The following MGST1 variants were observed in gnomAD, a reference collection of about 807,000 sequenced individuals.
The protein encoded by MGST1 is glutathione S-transferase 12.
A neutral mutation model predicts 8.9 loss-of-function variants in MGST1; 5 were observed. The observed-to-expected ratio is 0.56, with a 90% CI of 0.29 to 1.19. The LOEUF (loss-of-function observed/expected upper bound fraction) is 1.19. Ranked by LOEUF, MGST1 falls within the 50% of genes most tolerant of loss-of-function variation. The probability of loss-of-function intolerance (pLI) is 0.08; values close to 1 mark genes in which losing one functional copy is unlikely to be tolerated. For missense variants in MGST1, 182 were observed against 187.4 expected, an observed-to-expected ratio of 0.97 and a Z score of 0.17; for synonymous variants, 54 against 67.8, an observed-to-expected ratio of 0.80 and a Z score of 1.00.
At position 16,479,215 on chromosome 12, in the gene MGST1, G is replaced by A. The variant is rs1368057901; in HGVS notation, n.482+95611G>A. On this transcript the variant is annotated intron_variant and non_coding_transcript_variant, in intron 4 of 4. Transcript: ENST00000538857. ...CATTGTGTGTATATATATATATAAC[G>A]TATTTTTAATAGACTGTATCTTTTT... 4.3e-5 allele frequency among the ~76,000 whole-genome samples: 6 copies of A among 139,622 alleles called. No homozygotes were observed. In the East Asian group the frequency reaches 1.1e-3, roughly 25 times the overall value. The allele number at this position is 139,622 out of a possible 152,430, so 91.6% of individuals were successfully genotyped here.
intron 1 of MGST1, among the ~76,000 whole-genome samples, chr12:16,393,989 A>G (rs1013515125): frequency 3.3e-5 from 5 of 152,244 alleles, no homozygotes; most frequent in Non-Finnish European, 7.3e-5. Flanking sequence ...ACATTCAGGT[A>G]CATGTGTCCT....
chr12:16,349,267 T>C (rs1201198991), intron 1 of MGST1, among the ~76,000 whole-genome samples: 1 of 152,060 alleles, frequency 6.6e-6, no homozygotes, highest in African/African-American at 2.4e-5. Flanking sequence ...GGCCACCTCA[T>C]CCTGAGAAGA....
chr12:16,576,324 C>T lies in MGST1; in HGVS notation n.483-13204C>T, dbSNP rs1222176536. On this transcript the variant is annotated intron_variant and non_coding_transcript_variant, in intron 4 of 4. Coordinates refer to the MGST1 transcript ENST00000538857. The surrounding 1 kb of genome is among the most constrained non-coding windows in gnomAD (Gnocchi z 4.1). ...TGTCTTCTATCCCATCACTGAGCCTCAGCCCCAATGTGCTGTCTACTCCCT... is the reference window on the plus strand; with the variant it reads ...TGTCTTCTATCCCATCACTGAGCCTTAGCCCCAATGTGCTGTCTACTCCCT... Among the ~76,000 whole-genome samples, 1 of 152,200 alleles carries T rather than the reference C, an allele frequency of 6.6e-6. No individual in the cohort carries two copies. The highest frequency in any genetic ancestry group is 1.5e-5 in the Non-Finnish European group (1 of 68,028).
intron 1 of MGST1, chr12:16,399,531 G>T: frequency 1.3e-6 from 2 of 1,560,080 alleles, no homozygotes; most frequent in Admixed American, 1.7e-5. Context: ...TGCTTCTGAT[G>T]AATAATCTTC....
At chr12:16,549,456 TAATA>T (rs1198428314) in intron 4 of MGST1, 1 of 152,546 alleles carries the variant, frequency 6.6e-6, no homozygotes, top group African/African-American at 2.4e-5. Flanking sequence ...TGCATGTTCA[TAATA>T]AAGCTTTGTT....
chr12:16,577,293 TCTCCTA>T (rs1943023279), intron 4 of MGST1, among the ~76,000 whole-genome samples: 1 of 152,176 alleles, frequency 6.6e-6, no homozygotes, highest in East Asian at 1.9e-4. Flanking sequence ...TTTAGGATCA[TCTCCTA>T]AATTTCCTTT....
At chr12:16,505,708 C>T (rs182624142) in intron 4 of MGST1, among the ~76,000 whole-genome samples, 62 of 152,292 alleles carry the variant, frequency 4.1e-4, no homozygotes, top group African/African-American at 1.4e-3. Context: ...AATTCATCCT[C>T]ATACTGTCAA....
chr12:16,408,673 C>T (rs1940716415), intron 1 of MGST1, among the ~76,000 whole-genome samples: 1 of 152,050 alleles, frequency 6.6e-6, no homozygotes, highest in Non-Finnish European at 1.5e-5. Flanking sequence ...GTGTTTTCAT[C>T]ACTTCTGGAA....
chr12:16,436,612 T>C (rs951796473), intron 1 of MGST1, among the ~76,000 whole-genome samples: 2 of 151,992 alleles, frequency 1.3e-5, no homozygotes, highest in African/African-American at 4.8e-5. Flanking sequence ...AAATAAAAGA[T>C]AATGATAACA....
At chr12:16,591,195 C>G (rs1943486067), downstream of MGST1, among the ~76,000 whole-genome samples, 1 of 151,956 alleles carries the variant, frequency 6.6e-6, no homozygotes, top group Non-Finnish European at 1.5e-5. This position sits in a 1 kb window ranked among gnomAD's most constrained non-coding sequence, Gnocchi z 4.1. Context: ...CCTGCTCTCC[C>G]ACACCCCAGC....
intron 1 of MGST1, among the ~76,000 whole-genome samples, chr12:16,352,774 A>T (rs1395186975): frequency 6.6e-6 from 1 of 152,138 alleles, no homozygotes. Flanking sequence ...ATGTAAAGCT[A>T]ATTCTCCTTC....
intron 1 of MGST1, chr12:16,400,372 C>G: frequency 1.2e-6 from 1 of 823,316 alleles, no homozygotes; most frequent in Non-Finnish European, 2.2e-6. Flanking sequence ...GAAGCGGAAG[C>G]CATTGACACG....
downstream of MGST1, among the ~76,000 whole-genome samples, chr12:16,442,354 G>A (rs748210430): frequency 3.4e-4 from 52 of 151,638 alleles, 1 homozygote; most frequent in Non-Finnish European, 5.6e-4. This position sits in a 1 kb window ranked among gnomAD's most constrained non-coding sequence, Gnocchi z 4.5. Context: ...TTCATGAATC[G>A]TGCCTTTGGT....
chr12:16,498,689 A>G (rs1941485489), intron 4 of MGST1, among the ~76,000 whole-genome samples: 1 of 152,202 alleles, frequency 6.6e-6, no homozygotes, highest in Non-Finnish European at 1.5e-5. Context: ...ATGCTCTAAC[A>G]GGAGACCCGC....
At chr12:16,592,091 G>A (rs1943512087), downstream of MGST1, among the ~76,000 whole-genome samples, 1 of 151,970 alleles carries the variant, frequency 6.6e-6, no homozygotes, top group Admixed American at 6.6e-5. Flanking sequence ...ACAAAAGAAA[G>A]TATGTATAAC....
chr12:16,454,880 A>G lies in MGST1; in HGVS notation n.482+71276A>G, dbSNP rs1941159735. 2.1e-4 allele frequency among the ~76,000 whole-genome samples: 3 copies of G among 14,454 alleles called. No individual in the cohort carries two copies. The East Asian group carries it at 2.9e-3, about 14-fold the overall frequency. The allele number at this position is 14,454 out of a possible 152,430, so 9.5% of individuals were successfully genotyped here. Reference sequence around the variant, plus strand: ...AGTAAGTTTAAGTAGACCAAAAAAAAAAAAAAAAAAAAAAAAAAAAAAAAG... The same window carrying G: ...AGTAAGTTTAAGTAGACCAAAAAAAGAAAAAAAAAAAAAAAAAAAAAAAAG... On this transcript the variant is annotated intron_variant and non_coding_transcript_variant, in intron 4 of 4. Transcript: ENST00000538857.
chr12:16,470,088 A>C (rs1941282253), intron 4 of MGST1, among the ~76,000 whole-genome samples: 1 of 152,352 alleles, frequency 6.6e-6, no homozygotes, highest in Middle Eastern at 3.4e-3. Flanking sequence ...AATTGGAATA[A>C]GTTTCACAAT....
intron 1 of MGST1, among the ~76,000 whole-genome samples, chr12:16,351,375 A>AGCT (rs1191803920): frequency 6.6e-6 from 1 of 152,188 alleles, no homozygotes; most frequent in Non-Finnish European, 1.5e-5. Flanking sequence ...TTGCACTGAG[A>AGCT]GCTAATCTAA....
intron 4 of MGST1, among the ~76,000 whole-genome samples, chr12:16,565,197 G>A (rs950519555): frequency 6.6e-6 from 1 of 152,122 alleles, no homozygotes; most frequent in African/African-American, 2.4e-5. Flanking sequence ...TTTGGCTTTC[G>A]AAGACTATGA....
Sources: gnomAD v4.1 joint callset for allele counts (sites outside exome capture counted in the v4.1 genomes callset) on GRCh38, gnomAD v4.1.1 for gene constraint, Gnocchi (gnomAD v3.1) non-coding constraint, MANE v1.5 for transcripts, NCBI Gene and HGNC (gene_info 2026-07-23, HGNC 2026-07-21) for gene names.